The following CAMSAP1 variants were observed in gnomAD, a reference collection of about 807,000 sequenced individuals.
The protein encoded by CAMSAP1 is calmodulin regulated spectrin associated protein 1.
Under a neutral mutation model 143.5 loss-of-function variants are expected in CAMSAP1, and 58 were observed. The ratio of observed to expected loss-of-function variants is 0.40; its 90% CI spans 0.33 to 0.50. The LOEUF is 0.50. CAMSAP1 is among the 20% of genes least tolerant of loss of function. The pLI, the probability that CAMSAP1 is intolerant of heterozygous loss-of-function variation, is 0.45. For synonymous variants in CAMSAP1, 945 were observed against 859.3 expected, an observed-to-expected ratio of 1.10 and a Z score of -1.74; for missense variants, 1,969 against 2,115.7, an observed-to-expected ratio of 0.93 and a Z score of 1.36.
intron 4 of CAMSAP1, among the ~76,000 whole-genome samples, chr9:135,864,638 G>A (rs1324002552): frequency 6.6e-6 from 1 of 152,164 alleles, no homozygotes; most frequent in Admixed American, 6.5e-5. Context: ...CTTCCAGAAT[G>A]GGCCACCAGG....
At chr9:135,874,168 A>C (rs900621049) in intron 3 of CAMSAP1, among the ~76,000 whole-genome samples, 1 of 152,164 alleles carries the variant, frequency 6.6e-6, no homozygotes, top group African/African-American at 2.4e-5. Flanking sequence ...AAAATTCAAT[A>C]TGTATTCATG....
chr9:135,870,811 A>T (rs753034600), intron 3 of CAMSAP1, among the ~76,000 whole-genome samples: 108 of 152,268 alleles, frequency 7.1e-4, no homozygotes, highest in Admixed American at 1.8e-3. Flanking sequence ...AAATAAAAAT[A>T]AAAAAATTTA....
intron 7 of CAMSAP1, among the ~76,000 whole-genome samples, chr9:135,832,548 T>C (rs1161962034): frequency 6.6e-6 from 1 of 152,196 alleles, no homozygotes; most frequent in Non-Finnish European, 1.5e-5. Context: ...TTCAACACAG[T>C]ACTGGAAATT....
intron 1 of CAMSAP1, among the ~76,000 whole-genome samples, chr9:135,893,995 G>A (rs766177832): frequency 2.0e-5 from 3 of 152,044 alleles, no homozygotes; most frequent in Non-Finnish European, 2.9e-5. Flanking sequence ...GTGTTCTTAC[G>A]ACCCCCCACC....
At chr9:135,856,397 T>A (rs1836973270) in intron 5 of CAMSAP1, among the ~76,000 whole-genome samples, 1 of 152,156 alleles carries the variant, frequency 6.6e-6, no homozygotes, top group African/African-American at 2.4e-5. Flanking sequence ...CCCCTGTGAT[T>A]CAATTATCTC....
intron 7 of CAMSAP1, among the ~76,000 whole-genome samples, chr9:135,833,282 C>T (rs1386056325): frequency 3.9e-5 from 6 of 151,984 alleles, no homozygotes; most frequent in Admixed American, 1.3e-4. Flanking sequence ...GGGGTTTCAC[C>T]GTTTTAGCCG....
chr9:135,907,018 C>T lies in CAMSAP1; in HGVS notation c.142G>A (p.Ala48Thr). The change falls in exon 1 of 17, where the codon GCC (alanine) becomes ACC (threonine). Residue 48 changes from alanine (A) to threonine (T), a missense_variant. Coordinates refer to ENST00000389532, the MANE Select transcript of CAMSAP1 (RefSeq NM_015447.4). ...KIAANLQWIC[A>T]KAYGRDNIPE... ...GGCCCACCTCGGCCGTAGGCCTTGG[C>T]GCAGATCCACTGCAGGTTGGCGGCG... The T allele has an allele frequency of 1.7e-6, 2 of 1,175,670 alleles. No individual in the cohort carries two copies. Among genetic ancestry groups the T allele is most frequent in the Non-Finnish European group, 2.1e-6 (2 of 940,962 alleles). The allele number at this position is 1,175,670 out of a possible 1,614,324, so 72.8% of individuals were successfully genotyped here.
At chr9:135,871,611 C>T (rs1047606232) in intron 3 of CAMSAP1, among the ~76,000 whole-genome samples, 1 of 152,026 alleles carries the variant, frequency 6.6e-6, no homozygotes, top group East Asian at 1.9e-4. Context: ...TCTAGTATGG[C>T]AAACATTGAT....
intron 3 of CAMSAP1, among the ~76,000 whole-genome samples, chr9:135,880,565 G>T (rs551130747): frequency 6.6e-6 from 1 of 151,166 alleles, no homozygotes; most frequent in Non-Finnish European, 1.5e-5. Context: ...AGAAAAAGTC[G>T]AAACACAAAC....
At chr9:135,884,100 A>AG (rs1168284411) in intron 1 of CAMSAP1, among the ~76,000 whole-genome samples, 3 of 152,124 alleles carry the variant, frequency 2.0e-5, no homozygotes, top group African/African-American at 7.2e-5. Flanking sequence ...CGTGACCCCC[A>AG]GGTCTTTAAT....
rs1834933242 is a variant in CAMSAP1 at position 135,808,730 on chromosome 9, G to T, written c.*2579C>A. The T allele has an allele frequency of 6.6e-6, 1 of 152,194 alleles. No homozygotes were observed. The highest frequency in any genetic ancestry group is 2.4e-5 in the African/African-American group (1 of 41,438). 9.4% of individuals were successfully genotyped at this position (152,194 alleles called of 1,614,324 possible). On this transcript the variant is annotated 3_prime_UTR_variant, in exon 17 of 17. Transcript: ENST00000389532. ...ATCTTTGGTGCACGCACACAGCCAT[G>T]TGCACGCACACGTGTGGGTAGAACG...
At chr9:135,845,655 C>G (rs1836524378) in intron 7 of CAMSAP1, among the ~76,000 whole-genome samples, 1 of 152,202 alleles carries the variant, frequency 6.6e-6, no homozygotes, top group African/African-American at 2.4e-5. Context: ...AGCTGATAAG[C>G]AACTTCAGCA....
In CAMSAP1 at chr9:135,809,223, T is replaced by C. The variant is rs1377176037; in HGVS notation, c.*2086A>G. On this transcript the variant is annotated 3_prime_UTR_variant, in exon 17 of 17. Coordinates refer to ENST00000389532, the MANE Select transcript of CAMSAP1 (RefSeq NM_015447.4). ...CAAGCATGAAGAACGCAGGGACGCTTCTGTCAATCATTAGGCGAACACTGG... is the reference window on the plus strand; with the variant it reads ...CAAGCATGAAGAACGCAGGGACGCTCCTGTCAATCATTAGGCGAACACTGG... 6.6e-6 allele frequency: 1 copy of C among 152,164 alleles called. No individual in the cohort carries two copies. Among genetic ancestry groups the C allele is most frequent in the African/African-American group, 2.4e-5 (1 of 41,402 alleles). The allele number at this position is 152,164 out of a possible 1,614,324, so 9.4% of individuals were successfully genotyped here. A position where few individuals can be genotyped will look rare whatever the true frequency, so the allele number is the denominator to read the frequency against.
At position 135,820,885 on chromosome 9, in the gene CAMSAP1, A is replaced by G. The variant is rs1835419494; in HGVS notation, c.3776T>C (p.Leu1259Pro). The change falls in exon 11 of 17, where the codon CTT (leucine) becomes CCT (proline). Residue 1259 changes from leucine (L) to proline (P), a missense_variant. Leu to Pro is a moderately conservative substitution (Grantham distance 98). Around this residue, in one of 4 missense-constraint regions of CAMSAP1, gnomAD observed 1,390 missense variants for 1,420.8 expected, o/e 0.98. Coordinates refer to ENST00000389532, the MANE Select transcript of CAMSAP1 (RefSeq NM_015447.4). This position sits in a 1 kb window ranked among gnomAD's most constrained non-coding sequence, Gnocchi z 4.4. ...CGGCTTCTGGTCGCCTTCGCTGACA[A>G]GGTCCGCCGAGCCATCGAGGCTTAC... Reference protein sequence around the residue: ...ELVSLDGSADLVSEGDQKPGV... With the variant: ...ELVSLDGSADPVSEGDQKPGV... 1 of 1,613,530 alleles carries G rather than the reference A, an allele frequency of 6.2e-7. No individual in the cohort carries two copies. Among genetic ancestry groups the G allele is most frequent in the Non-Finnish European group, 8.5e-7 (1 of 1,179,894 alleles).
intron 1 of CAMSAP1, among the ~76,000 whole-genome samples, chr9:135,902,071 A>G (rs1011946266): frequency 1.3e-5 from 2 of 152,194 alleles, no homozygotes; most frequent in Non-Finnish European, 2.9e-5. Flanking sequence ...AGATGCACAC[A>G]TAACTAGGCA....
At chr9:135,828,151 C>G (rs1308388103) in intron 7 of CAMSAP1, among the ~76,000 whole-genome samples, 1 of 152,252 alleles carries the variant, frequency 6.6e-6, no homozygotes. Flanking sequence ...CATTCCCTTT[C>G]TTGGCCCACG....
chr9:135,819,881 G>T (rs1835383099), intron 11 of CAMSAP1, among the ~76,000 whole-genome samples: 2 of 151,190 alleles, frequency 1.3e-5, no homozygotes, highest in Non-Finnish European at 2.9e-5. Flanking sequence ...TACTGAAGTT[G>T]GTCACGAATT....
chr9:135,882,868 C>T lies in CAMSAP1; in HGVS notation c.371G>A (p.Ser124Asn), dbSNP rs776001216. The T allele has an allele frequency of 5.8e-6, 9 of 1,551,448 alleles. No individual in the cohort carries two copies. Among genetic ancestry groups the T allele is most frequent in the Non-Finnish European group, 7.0e-6 (8 of 1,147,006 alleles). ...LSRKGIYVMESDDTPVTESDL... is the reference protein window; with the variant it reads ...LSRKGIYVMENDDTPVTESDL... ...GGACTCTGTCACGGGGGTGTCATCA[C>T]TCTCCATCACATAGATCCCTTTCCG... The change falls in exon 2 of 17, where the codon AGT (serine) becomes AAT (asparagine). Residue 124 changes from serine to asparagine, a missense_variant. Ser to Asn is a conservative substitution (Grantham distance 46). Coordinates refer to ENST00000389532, the MANE Select transcript of CAMSAP1 (RefSeq NM_015447.4). The surrounding 1 kb of genome is among the most constrained non-coding windows in gnomAD (Gnocchi z 4.9).
chr9:135,866,757 C>T (rs990712437), intron 3 of CAMSAP1, among the ~76,000 whole-genome samples: 1 of 152,182 alleles, frequency 6.6e-6, no homozygotes, highest in African/African-American at 2.4e-5. Flanking sequence ...CCCCGACCCC[C>T]ACCCCAATGC....
Sources: allele counts gnomAD v4.1 joint callset (sites outside exome capture counted in the v4.1 genomes callset), GRCh38; gene constraint gnomAD v4.1.1; regional missense constraint gnomAD v4.1.1; non-coding constraint Gnocchi (gnomAD v3.1); transcripts MANE v1.5; gene names NCBI Gene and HGNC (gene_info 2026-07-23, HGNC 2026-07-21).